Variants in KSR2 observed in about 807,000 individuals in gnomAD.
The protein encoded by KSR2 is kinase suppressor of ras 2.
In KSR2, 25 loss-of-function variants were observed where a neutral mutation model predicts 107.8. The ratio of observed to expected loss-of-function variants is 0.23; its 90% confidence interval spans 0.17 to 0.32. The LOEUF (loss-of-function observed/expected upper bound fraction) is 0.32. KSR2 is among the 10% of genes least tolerant of loss of function. KSR2 has a pLI of 1.00. For synonymous variants in KSR2, 480 were observed against 507.0 expected (o/e 0.95, Z 0.71); for missense variants, 887 against 1,268.9 (o/e 0.70, Z 4.57).
intron 1 of KSR2, among the ~76,000 whole-genome samples, chr12:117,889,248 C>T (rs748991495): frequency 3.3e-5 from 5 of 152,130 alleles, no homozygotes; most frequent in South Asian, 2.1e-4. Flanking sequence ...TCACCAGCAA[C>T]GGAAATCAGA....
At chr12:117,724,141 T>C (rs1298919234) in intron 4 of KSR2, among the ~76,000 whole-genome samples, 1 of 151,990 alleles carries the variant, frequency 6.6e-6, no homozygotes, top group Non-Finnish European at 1.5e-5. Context: ...ACCCCGTCTC[T>C]ACCAAACAAT....
intron 5 of KSR2, among the ~76,000 whole-genome samples, chr12:117,589,352 A>T (rs1030492608): frequency 6.6e-6 from 1 of 152,196 alleles, no homozygotes; most frequent in African/African-American, 2.4e-5. Flanking sequence ...ACCCAGTGGG[A>T]CCTAGATTAT....
intron 1 of KSR2, among the ~76,000 whole-genome samples, chr12:117,936,271 G>A (rs548544868): frequency 6.6e-6 from 1 of 151,948 alleles, no homozygotes; most frequent in East Asian, 1.9e-4. Flanking sequence ...CAAGCGATCT[G>A]CCTGCCTTGA....
At chr12:117,780,730 G>A (rs1319491081) in intron 3 of KSR2, among the ~76,000 whole-genome samples, 2 of 152,122 alleles carry the variant, frequency 1.3e-5, no homozygotes, top group African/African-American at 4.8e-5. Context: ...ATTAATGTTG[G>A]CTGATTTTTT....
intron 5 of KSR2, among the ~76,000 whole-genome samples, chr12:117,607,587 T>A (rs1881343209): frequency 6.8e-6 from 1 of 147,960 alleles, no homozygotes; most frequent in Non-Finnish European, 1.5e-5. Flanking sequence ...CAGAAAAAGC[T>A]CAGCACTATC....
At chr12:117,682,171 CA>C (rs1430627752) in intron 4 of KSR2, among the ~76,000 whole-genome samples, 1 of 152,052 alleles carries the variant, frequency 6.6e-6, no homozygotes, top group Non-Finnish European at 1.5e-5. Flanking sequence ...TGCAGGAACA[CA>C]GAACCAAACA....
intron 4 of KSR2, among the ~76,000 whole-genome samples, chr12:117,738,720 C>T (rs899139822): frequency 4.6e-5 from 7 of 151,962 alleles, no homozygotes; most frequent in African/African-American, 1.7e-4. Flanking sequence ...ACTAAAAATA[C>T]AAAAATTAGC....
At chr12:117,617,669 G>A (rs1342059385) in intron 5 of KSR2, among the ~76,000 whole-genome samples, 1 of 152,232 alleles carries the variant, frequency 6.6e-6, no homozygotes, top group African/African-American at 2.4e-5. Context: ...ATAGAAGACA[G>A]ATAAGTAGTT....
intron 4 of KSR2, among the ~76,000 whole-genome samples, chr12:117,697,285 A>AG (rs1886107884): frequency 6.6e-6 from 1 of 152,240 alleles, no homozygotes; most frequent in African/African-American, 2.4e-5. Context: ...AGGAAGGTAC[A>AG]TATTGAAAAA....
At chr12:117,514,519 C>T (rs145004167) in intron 14 of KSR2, among the ~76,000 whole-genome samples, 103 of 146,616 alleles carry the variant, frequency 7.0e-4, no homozygotes, top group African/African-American at 2.6e-3. Context: ...TTTAAGATGT[C>T]TTTGGTTTCT....
In KSR2 at chr12:117,837,261, A is replaced by G. The variant is rs1255037652; in HGVS notation, c.472+18167T>C. Among the ~76,000 whole-genome samples, 3 of 152,210 alleles carry G rather than the reference A, an allele frequency of 2.0e-5. No homozygotes were observed. The East Asian group carries it at 5.8e-4, about 29-fold the overall frequency. ...CATTAGTCCCTGCTGTAGCTGGGTCAAGCCCTCCTCCTCTCTCAGACTCAG... is the reference window on the plus strand; with the variant it reads ...CATTAGTCCCTGCTGTAGCTGGGTCGAGCCCTCCTCCTCTCTCAGACTCAG... On this transcript the variant is annotated intron_variant, in intron 3 of 19. Transcript: ENST00000339824.
chr12:117,713,667 GACAGA>G (rs1407611286), intron 4 of KSR2, among the ~76,000 whole-genome samples: 1 of 152,114 alleles, frequency 6.6e-6, no homozygotes, highest in Non-Finnish European at 1.5e-5. Flanking sequence ...TAAGAGGAAG[GACAGA>G]ACAGGACAGG....
intron 3 of KSR2, among the ~76,000 whole-genome samples, chr12:117,786,816 G>A (rs1890093256): frequency 6.6e-6 from 1 of 151,744 alleles, no homozygotes; most frequent in South Asian, 2.1e-4. Flanking sequence ...AACTCACTGA[G>A]GTCGGGAGTT....
chr12:117,762,644 T>TA, intron 3 of KSR2, among the ~76,000 whole-genome samples: 1 of 152,110 alleles, frequency 6.6e-6, no homozygotes. Flanking sequence ...ATGGGCAGAT[T>TA]ACTTGAGGTC....
Position 117,914,138 on chromosome 12 carries a change from G to A in KSR2, c.181-53707C>T, listed in dbSNP as rs1038588965. Among the ~76,000 whole-genome samples the A allele has an allele frequency of 4.6e-5, 7 of 152,160 alleles. 1 individual carries two copies. In the East Asian group the frequency reaches 9.6e-4, roughly 21 times the overall value. On this transcript the variant is annotated intron_variant, in intron 1 of 19. Coordinates refer to ENST00000339824, the MANE Select transcript of KSR2 (RefSeq NM_173598.6). ...CACTGTTATCAGGAGGAACAAAGAA[G>A]TCATCTATGGCTGGGTGCAGTGGCT...
At chr12:117,575,836 A>T (rs1879251344) in intron 7 of KSR2, among the ~76,000 whole-genome samples, 1 of 152,238 alleles carries the variant, frequency 6.6e-6, no homozygotes, top group Non-Finnish European at 1.5e-5. Context: ...TGGAGCATGG[A>T]CATTTAATTG....
At chr12:117,618,733 A>C (rs1379691818) in intron 5 of KSR2, among the ~76,000 whole-genome samples, 1 of 152,086 alleles carries the variant, frequency 6.6e-6, no homozygotes, top group Non-Finnish European at 1.5e-5. Context: ...GCCACCATGT[A>C]AGAATGTAAG....
chr12:117,950,737 T>TAAA (rs1183707257), intron 1 of KSR2, among the ~76,000 whole-genome samples: 9 of 127,764 alleles, frequency 7.0e-5, no homozygotes, highest in African/African-American at 2.5e-4. Flanking sequence ...CAAGACTCTG[T>TAAA]AAAAAAAAAA....
intron 4 of KSR2, among the ~76,000 whole-genome samples, chr12:117,674,696 T>C (rs1322948645): frequency 6.6e-6 from 1 of 152,248 alleles, no homozygotes; most frequent in Non-Finnish European, 1.5e-5. Context: ...TGACTTTTTA[T>C]GGTTGAGTAA....
Sources: allele counts gnomAD v4.1 joint callset (sites outside exome capture counted in the v4.1 genomes callset), GRCh38; gene constraint gnomAD v4.1.1; transcripts MANE v1.5; gene names NCBI Gene and HGNC (gene_info 2026-07-23, HGNC 2026-07-21).